The following SCN1A variants were observed in gnomAD, a reference collection of about 807,000 sequenced individuals.
The protein encoded by SCN1A is sodium voltage-gated channel alpha subunit 1.
SCN1A carries 13 observed loss-of-function variants against 193.7 expected under a neutral mutation model. The observed-to-expected ratio is 0.07, with a 90% CI of 0.04 to 0.11. The LOEUF (loss-of-function observed/expected upper bound fraction) is 0.11, where lower values mean the gene tolerates loss of function less well. Ranked by LOEUF, SCN1A falls within the 10% of genes least tolerant of loss-of-function variation. The pLI is 1.00. For missense variants in SCN1A, 1,432 were observed against 2,451.1 expected (o/e 0.58, Z 8.78); for synonymous variants, 781 against 843.6 (o/e 0.93, Z 1.29).
Position 166,012,172 on chromosome 2 carries a change from C to T in SCN1A, c.3816G>A (p.Val1272=), listed in dbSNP as rs765255881. 10 of 1,610,486 alleles carry T rather than the reference C, an allele frequency of 6.2e-6. No individual in the cohort carries two copies. In the South Asian group the frequency reaches 1.1e-4, roughly 18 times the overall value. The change falls in exon 22 of 29, where the codon GTG becomes GTA. Residue 1272 remains valine, a synonymous_variant. Coordinates refer to ENST00000674923, the MANE Select transcript of SCN1A (RefSeq NM_001165963.4). ...IFILEMLLKW[V]AYGYQTYFTN... is the part of the protein sequence containing the mutation. ...TGAAATATGTTTGATAGCCATATGC[C>T]ACCCATTTTAGAAGCATTTCCAGAA...
chr2:166,002,119 G>A (rs182797733), intron 24 of SCN1A, among the ~76,000 whole-genome samples: 330 of 151,486 alleles, frequency 2.2e-3, no homozygotes, highest in African/African-American at 7.7e-3. Context: ...AGTGTATTCC[G>A]TTTTGGTAGC....
intron 2 of SCN1A, among the ~76,000 whole-genome samples, chr2:166,106,948 G>A (rs943729209): frequency 6.6e-6 from 1 of 152,074 alleles, no homozygotes; most frequent in Non-Finnish European, 1.5e-5. Flanking sequence ...AGAGCTAAGA[G>A]GCAATACACT....
At position 165,995,998 on chromosome 2, in the gene SCN1A, T is replaced by C; in HGVS notation, c.4581+15A>G. On this transcript the variant is annotated intron_variant, in intron 27 of 28. Transcript: ENST00000674923. ...GTTTTTGTATTTTTCCCCCATATCA[T>C]TTGATACTTCTTACTCCTGGTCGAG... 2 of 1,533,488 alleles carry C rather than the reference T, an allele frequency of 1.3e-6. No individual in the cohort carries two copies. Among genetic ancestry groups the C allele is most frequent in the Non-Finnish European group, 1.8e-6 (2 of 1,107,958 alleles). The allele number at this position is 1,533,488 out of a possible 1,614,324, so 95.0% of individuals were successfully genotyped here. A position where few individuals can be genotyped will look rare whatever the true frequency, so the allele number is the denominator to read the frequency against.
intron 23 of SCN1A, 82 bp downstream of exon 23, chr2:166,009,637 T>C: frequency 7.3e-7 from 1 of 1,376,870 alleles, no homozygotes; most frequent in Non-Finnish European, 9.9e-7. Flanking sequence ...TCCTTTTGCA[T>C]GCATAGATTT....
At chr2:166,139,906 A>G (rs1196575299) in intron 1 of SCN1A, among the ~76,000 whole-genome samples, 1 of 152,096 alleles carries the variant, frequency 6.6e-6, no homozygotes, top group Non-Finnish European at 1.5e-5. Context: ...GCAGGTAGAG[A>G]CTCAGGAATA....
At chr2:166,108,683 T>G (rs1010931601) in intron 2 of SCN1A, among the ~76,000 whole-genome samples, 2 of 152,120 alleles carry the variant, frequency 1.3e-5, no homozygotes, top group Non-Finnish European at 2.9e-5. Flanking sequence ...AAAGATATTA[T>G]GTTAAGTGAA....
chr2:166,091,867 T>G (rs1268810630), intron 2 of SCN1A, among the ~76,000 whole-genome samples: 2 of 152,222 alleles, frequency 1.3e-5, no homozygotes, highest in African/African-American at 2.4e-5. Flanking sequence ...TAATTTTTTT[T>G]TGAATGAATG....
chr2:166,011,506 G>A (rs1224205906), intron 22 of SCN1A, among the ~76,000 whole-genome samples: 1 of 139,008 alleles, frequency 7.2e-6, no homozygotes, highest in African/African-American at 2.7e-5. Context: ...TTTCACTGCT[G>A]AATAAAGTAG....
chr2:166,116,448 C>T (rs1689868718), intron 2 of SCN1A, among the ~76,000 whole-genome samples: 1 of 152,148 alleles, frequency 6.6e-6, no homozygotes, highest in Non-Finnish European at 1.5e-5. Context: ...AATGTACTAA[C>T]TTGTGTAATG....
At chr2:166,106,966 G>A (rs1688762492) in intron 2 of SCN1A, among the ~76,000 whole-genome samples, 1 of 152,126 alleles carries the variant, frequency 6.6e-6, no homozygotes, top group South Asian at 2.1e-4. Context: ...ACTGGTAACT[G>A]TCATGTCTTG....
chr2:166,121,675 T>C (rs1044090097), intron 2 of SCN1A, among the ~76,000 whole-genome samples: 1 of 152,210 alleles, frequency 6.6e-6, no homozygotes, highest in Non-Finnish European at 1.5e-5. Flanking sequence ...AAATCCATCA[T>C]TTATAAAATA....
At chr2:166,123,313 G>T (rs1239754181) in intron 2 of SCN1A, among the ~76,000 whole-genome samples, 1 of 150,378 alleles carries the variant, frequency 6.6e-6, no homozygotes, top group African/African-American at 2.5e-5. Context: ...CACTATGGGG[G>T]ATGTAAACAC....
In SCN1A at chr2:165,999,736, A is replaced by G. The variant is rs1690573756; in HGVS notation, c.4325T>C (p.Val1442Ala). The G allele has an allele frequency of 6.2e-7, 1 of 1,606,546 alleles. No individual in the cohort carries two copies. The highest frequency in any genetic ancestry group is 2.2e-5 in the East Asian group (1 of 44,636). ...KGWMDIMYAAVDSRNVELQPK... is the reference protein window; with the variant it reads ...KGWMDIMYAAADSRNVELQPK... Reference sequence around the variant, plus strand: ...AGGAATACTTACATTTCTGGAATCAACTGCTGCATACATTATATCCATCCA... The same window carrying G: ...AGGAATACTTACATTTCTGGAATCAGCTGCTGCATACATTATATCCATCCA... Residue 1442 changes from valine to alanine, a missense_variant, in exon 25 of 29, where the codon GTT becomes GCT. Val to Ala is a moderately conservative substitution (Grantham distance 64, BLOSUM62 0). Transcript: ENST00000674923.
At chr2:166,112,071 A>G (rs564784463) in intron 2 of SCN1A, among the ~76,000 whole-genome samples, 4 of 152,222 alleles carry the variant, frequency 2.6e-5, no homozygotes, top group African/African-American at 4.8e-5. Flanking sequence ...TTGATAAAGC[A>G]GTGGCAGGGC....
rs1350323296 is a variant in SCN1A, at chr2:166,015,821, T to C, written c.3430-94A>G. The C allele has an allele frequency of 3.3e-5, 46 of 1,411,660 alleles. 1 individual carries two copies. In the South Asian group the frequency reaches 4.3e-4, roughly 13 times the overall value. The allele number at this position is 1,411,660 out of a possible 1,614,324, so 87.4% of individuals were successfully genotyped here. A position where few individuals can be genotyped will look rare whatever the true frequency, so the allele number is the denominator to read the frequency against. ...ATTATTACTATGAATTTGTTTTTTA[T>C]TCTTCTTGAGGTAGAGATATTTTTA... On this transcript the variant is annotated intron_variant, in intron 19 of 28. Coordinates refer to ENST00000674923, the MANE Select transcript of SCN1A (RefSeq NM_001165963.4).
chr2:166,018,626 C>G (rs914493964), intron 19 of SCN1A, among the ~76,000 whole-genome samples: 8 of 151,852 alleles, frequency 5.3e-5, no homozygotes, highest in Non-Finnish European at 1.0e-4. Flanking sequence ...ACAAAAAAAC[C>G]TGAGTTTTAA....
At chr2:166,118,298 G>T (rs1237017173) in intron 2 of SCN1A, among the ~76,000 whole-genome samples, 3 of 44,720 alleles carry the variant, frequency 6.7e-5, no homozygotes, top group Admixed American at 3.4e-4. Context: ...TTTCTATTTA[G>T]TTTCTTTTTT....
intron 28 of SCN1A, 55 bp downstream of exon 28, chr2:165,994,091 T>G: frequency 7.6e-7 from 1 of 1,322,626 alleles, no homozygotes; most frequent in Non-Finnish European, 1.1e-6. Flanking sequence ...TAATCTTGAT[T>G]GTTTCAGCTT....
At chr2:166,137,375 C>T (rs1395700222) in intron 1 of SCN1A, among the ~76,000 whole-genome samples, 2 of 152,218 alleles carry the variant, frequency 1.3e-5, no homozygotes, top group Non-Finnish European at 2.9e-5. Flanking sequence ...TGTGTCCCCA[C>T]TCAAATCTCA....
Sources: allele counts gnomAD v4.1 joint callset (sites outside exome capture counted in the v4.1 genomes callset), GRCh38; gene constraint gnomAD v4.1.1; transcripts MANE v1.5; gene names NCBI Gene and HGNC (gene_info 2026-07-23, HGNC 2026-07-21).